SYT9: variants seen among roughly 807,000 people sequenced by gnomAD.
SYT9 encodes synaptotagmin-9.
In SYT9, 22 loss-of-function variants were observed where a neutral mutation model predicts 48.4. The observed-to-expected ratio is 0.45, with a 90% confidence interval of 0.32 to 0.65. SYT9 has a LOEUF of 0.65. SYT9 is among the 30% of genes least tolerant of loss of function. The pLI is 0.03. For synonymous variants in SYT9, 265 were observed against 245.0 expected (o/e 1.08, Z -0.76); for missense variants, 577 against 622.0 (o/e 0.93, Z 0.77).
chr11:7,328,533 C>A (rs1447173070), intron 3 of SYT9, among the ~76,000 whole-genome samples: 1 of 152,028 alleles, frequency 6.6e-6, no homozygotes, highest in Non-Finnish European at 1.5e-5. Context: ...TACTTTGGGA[C>A]CTTTGACTCC....
intron 1 of SYT9, among the ~76,000 whole-genome samples, chr11:7,294,981 C>CT (rs1848769901): frequency 1.3e-5 from 2 of 152,216 alleles, no homozygotes; most frequent in Admixed American, 6.5e-5. Flanking sequence ...TTTCCTTCCC[C>CT]TTTGGTTCAA....
chr11:7,406,323 A>AC (rs1441678202), intron 3 of SYT9, among the ~76,000 whole-genome samples: 2 of 151,856 alleles, frequency 1.3e-5, no homozygotes, highest in African/African-American at 4.8e-5. Context: ...CCCACCTGCC[A>AC]CCCACACACC....
At chr11:7,328,734 T>G (rs1222395671) in intron 3 of SYT9, among the ~76,000 whole-genome samples, 2 of 152,210 alleles carry the variant, frequency 1.3e-5, no homozygotes, top group Non-Finnish European at 2.9e-5. Context: ...TAGATTATTT[T>G]TTATGTTTAG....
intron 1 of SYT9, among the ~76,000 whole-genome samples, chr11:7,253,961 G>A (rs1847918656): frequency 6.6e-6 from 1 of 152,190 alleles, no homozygotes; most frequent in Non-Finnish European, 1.5e-5. Flanking sequence ...TCCCACATAA[G>A]CAGTTGTCTT....
At chr11:7,427,622 G>T (rs1464570828) in intron 6 of SYT9, 3 of 152,194 alleles carry the variant, frequency 2.0e-5, no homozygotes, top group Non-Finnish European at 4.4e-5. Flanking sequence ...TTTAGCAGCA[G>T]TTTTACACAA....
intron 3 of SYT9, among the ~76,000 whole-genome samples, chr11:7,328,076 A>AAAT (rs200965699): frequency 1.4e-5 from 1 of 72,426 alleles, no homozygotes; most frequent in African/African-American, 5.2e-5. Flanking sequence ...GTATAATTAA[A>AAAT]AATAATAATA....
intron 3 of SYT9, among the ~76,000 whole-genome samples, chr11:7,363,887 AG>A (rs199945512): frequency 0.018 from 2,802 of 152,240 alleles, 58 homozygotes; most frequent in African/African-American, 0.044. Flanking sequence ...GATAGAAGTG[AG>A]CTGAGGAACA....
At chr11:7,254,901 AT>A (rs1311876828) in intron 1 of SYT9, among the ~76,000 whole-genome samples, 14 of 152,212 alleles carry the variant, frequency 9.2e-5, no homozygotes, top group Non-Finnish European at 1.8e-4. Flanking sequence ...GGCCTGAGCC[AT>A]CAGAAAGGTT....
intron 1 of SYT9, among the ~76,000 whole-genome samples, chr11:7,276,724 A>G (rs1200178965): frequency 6.6e-6 from 1 of 151,938 alleles, no homozygotes; most frequent in African/African-American, 2.4e-5. Flanking sequence ...GCTCTTTTGC[A>G]TTTTCCTTAG....
intron 3 of SYT9, among the ~76,000 whole-genome samples, chr11:7,352,794 G>A (rs1246087350): frequency 6.6e-6 from 1 of 152,206 alleles, no homozygotes; most frequent in East Asian, 1.9e-4. Context: ...CTAGGAAGAC[G>A]AGAAAGGCAT....
intron 6 of SYT9, among the ~76,000 whole-genome samples, chr11:7,428,521 C>G (rs1256328992): frequency 6.6e-6 from 1 of 152,212 alleles, no homozygotes; most frequent in Non-Finnish European, 1.5e-5. Flanking sequence ...ACTGTTCCCT[C>G]CTGGGGAATG....
At position 7,252,192 on chromosome 11, in the gene SYT9, CG is replaced by C; in HGVS notation, c.10del (p.Ala4ProfsTer49). The C allele has an allele frequency of 6.9e-7, 1 of 1,454,950 alleles. No individual in the cohort carries two copies. The highest frequency in any genetic ancestry group is 9.1e-7 in the Non-Finnish European group (1 of 1,104,794). The allele number at this position is 1,454,950 out of a possible 1,614,324, so 90.1% of individuals were successfully genotyped here. MP[G>X]ARDALCHQAL... Reference sequence around the variant, plus strand: ...TCCGAGGATGCGGGGGGGCGATGCCCGGGGCCAGGGACGCGCTCTGTCACCA... The same window carrying C: ...TCCGAGGATGCGGGGGGGCGATGCCCGGGCCAGGGACGCGCTCTGTCACCA... On this transcript the variant is annotated frameshift_variant, in exon 1 of 7. Coordinates refer to ENST00000318881, the MANE Select transcript of SYT9 (RefSeq NM_175733.4). LOFTEE classifies it high-confidence loss of function. This position sits in a 1 kb window ranked among gnomAD's most constrained non-coding sequence, Gnocchi z 6.3.
rs1848317393 is a variant in SYT9 at position 7,272,576 on chromosome 11, CT to C, written c.145+20246del. Among the ~76,000 whole-genome samples, 3 of 152,264 alleles carry C rather than the reference CT, an allele frequency of 2.0e-5. No homozygotes were observed. In the South Asian group the frequency reaches 6.2e-4, roughly 32 times the overall value. On this transcript the variant is annotated intron_variant, in intron 1 of 6. Coordinates refer to ENST00000318881, the MANE Select transcript of SYT9 (RefSeq NM_175733.4). ...ACAGGAACTTACCATGGACTGGTCA[CT>C]GTCCTTGGTGCTGGGGTTGTGAAAA...
intron 1 of SYT9, among the ~76,000 whole-genome samples, chr11:7,266,008 A>G (rs1848174271): frequency 1.3e-5 from 2 of 152,168 alleles, no homozygotes; most frequent in Admixed American, 6.5e-5. Context: ...AAACAGAGAA[A>G]GAAGCTGGAC....
intron 3 of SYT9, among the ~76,000 whole-genome samples, chr11:7,376,123 A>C (rs1252946468): frequency 6.6e-6 from 1 of 152,040 alleles, no homozygotes; most frequent in Admixed American, 6.6e-5. Flanking sequence ...CAACTCTACT[A>C]TGTCACACAT....
intron 6 of SYT9, among the ~76,000 whole-genome samples, chr11:7,463,051 A>G (rs572612878): frequency 1.2e-4 from 19 of 152,180 alleles, no homozygotes; most frequent in Non-Finnish European, 2.4e-4. Context: ...TTCACTTACA[A>G]TCTTCTCTGT....
chr11:7,354,648 G>A (rs1849982553), intron 3 of SYT9, among the ~76,000 whole-genome samples: 1 of 152,108 alleles, frequency 6.6e-6, no homozygotes, highest in East Asian at 1.9e-4. Context: ...CATGCTGTCT[G>A]CTGATTGTGT....
chr11:7,338,093 G>A (rs1849658327), intron 3 of SYT9, among the ~76,000 whole-genome samples: 1 of 152,160 alleles, frequency 6.6e-6, no homozygotes, highest in Non-Finnish European at 1.5e-5. Flanking sequence ...GTCTTGGGAG[G>A]ATGTATGTGT....
chr11:7,466,930 C>A lies in SYT9; in HGVS notation c.*130C>A. 1.8e-6 allele frequency: 2 copies of A among 1,142,728 alleles called. No homozygotes were observed. Among genetic ancestry groups the A allele is most frequent in the Non-Finnish European group, 2.6e-6 (2 of 779,772 alleles). The allele number at this position is 1,142,728 out of a possible 1,614,324, so 70.8% of individuals were successfully genotyped here. ...ACCAAATGCTCAGCTGTAACCACAG[C>A]ACTAACTGGCCTTCTTTCCAGATTG... On this transcript the variant is annotated 3_prime_UTR_variant, in exon 7 of 7. Coordinates refer to ENST00000318881, the MANE Select transcript of SYT9 (RefSeq NM_175733.4).
Sources: allele counts gnomAD v4.1 joint callset (sites outside exome capture counted in the v4.1 genomes callset), GRCh38; gene constraint gnomAD v4.1.1; non-coding constraint Gnocchi (gnomAD v3.1); transcripts MANE v1.5; gene names NCBI Gene and HGNC (gene_info 2026-07-23, HGNC 2026-07-21).